Variants in NRG2 observed in about 807,000 individuals in gnomAD.
NRG2 encodes the protein pro-neuregulin-2, membrane-bound isoform.
A neutral mutation model predicts 73.9 loss-of-function variants in NRG2; 27 were observed. That is an observed-to-expected ratio of 0.37 (90% CI 0.27 to 0.50). The LOEUF (loss-of-function observed/expected upper bound fraction) is 0.50, where lower values mean the gene tolerates loss of function less well. NRG2 is among the 20% of genes least tolerant of loss of function. The pLI is 0.96. For synonymous variants in NRG2, 532 were observed against 541.0 expected, an observed-to-expected ratio of 0.98 and a Z score of 0.23; for missense variants, 1,126 against 1,210.1, an observed-to-expected ratio of 0.93 and a Z score of 1.03.
chr5:140,026,905 T>G (rs1445731146), intron 1 of NRG2, among the ~76,000 whole-genome samples: 7 of 152,118 alleles, frequency 4.6e-5, no homozygotes, highest in Admixed American at 3.9e-4. Flanking sequence ...AATTATATCT[T>G]TTGTTAAGAC....
chr5:139,917,701 A>G (rs1029273526), intron 1 of NRG2, among the ~76,000 whole-genome samples: 7 of 152,270 alleles, frequency 4.6e-5, no homozygotes, highest in Admixed American at 4.6e-4. Flanking sequence ...GGTATAATTG[A>G]CAAATAAATT....
chr5:139,950,158 T>C lies in NRG2; in HGVS notation c.701-62647A>G, dbSNP rs181787248. 2.0e-5 allele frequency among the ~76,000 whole-genome samples: 3 copies of C among 152,328 alleles called. No homozygotes were observed. In the East Asian group the frequency reaches 5.8e-4, roughly 29 times the overall value. On this transcript the variant is annotated intron_variant, in intron 1 of 9. Coordinates refer to ENST00000361474, the MANE Select transcript of NRG2 (RefSeq NM_004883.3). ...CTTTGAACCAAGCTCTGTTTCAACA[T>C]TTCTTCTTCGTTCCTCAGAAGGTCA...
rs878999833 is a variant in NRG2 at position 139,887,336 on chromosome 5, T to C, written c.872+4A>G. The C allele has an allele frequency of 1.2e-6, 2 of 1,614,078 alleles. No homozygotes were observed. Among genetic ancestry groups the C allele is most frequent in the South Asian group, 2.2e-5 (2 of 91,080 alleles). On this transcript the variant is annotated splice_donor_region_variant and intron_variant, in intron 2 of 9. Transcript: ENST00000361474. This position sits in a 1 kb window ranked among gnomAD's most constrained non-coding sequence, Gnocchi z 4.5. ...GGATGGAGGACAGGCTGGATATTGC[T>C]TACCTGCCGTTGCCATATTTGATGC...
rs1400761927 is a variant in NRG2, at chr5:140,008,731, A to G, written c.700+33639T>C. Among the ~76,000 whole-genome samples, 1 of 152,232 alleles carries G rather than the reference A, an allele frequency of 6.6e-6. No homozygotes were observed. Among genetic ancestry groups the G allele is most frequent in the African/African-American group, 2.4e-5 (1 of 41,464 alleles). On this transcript the variant is annotated intron_variant, in intron 1 of 9. Coordinates refer to ENST00000361474, the MANE Select transcript of NRG2 (RefSeq NM_004883.3). This position sits in a 1 kb window ranked among gnomAD's most constrained non-coding sequence, Gnocchi z 4.2. ...GTCGGGGAGAAATAACTGACAAATGATATGACCAGAGACTCAACTGGTGAG... is the reference window on the plus strand; with the variant it reads ...GTCGGGGAGAAATAACTGACAAATGGTATGACCAGAGACTCAACTGGTGAG...
Position 139,853,081 on chromosome 5 carries a change from A to G in NRG2, c.1293-54T>C. 6.2e-7 allele frequency: 1 copy of G among 1,607,990 alleles called. No homozygotes were observed. Among genetic ancestry groups the G allele is most frequent in the Non-Finnish European group, 8.5e-7 (1 of 1,177,474 alleles). On this transcript the variant is annotated intron_variant, in intron 6 of 9. Coordinates refer to ENST00000361474, the MANE Select transcript of NRG2 (RefSeq NM_004883.3). The surrounding 1 kb of genome is among the most constrained non-coding windows in gnomAD (Gnocchi z 4.1). ...GCATTCCCCCCACTCGCCAACGATG[A>G]ACTTCCCTAGCTATCTCTCTAGGGA...
At chr5:140,007,338 C>T (rs1758989654) in intron 1 of NRG2, among the ~76,000 whole-genome samples, 1 of 151,978 alleles carries the variant, frequency 6.6e-6, no homozygotes, top group South Asian at 2.1e-4. Context: ...TTAACAGACC[C>T]CAGGGGATAA....
At chr5:139,926,031 A>G (rs1377088300) in intron 1 of NRG2, among the ~76,000 whole-genome samples, 1 of 152,196 alleles carries the variant, frequency 6.6e-6, no homozygotes, top group Non-Finnish European at 1.5e-5. Flanking sequence ...GATGCAGCCA[A>G]TGTGGCTGTT....
intron 1 of NRG2, among the ~76,000 whole-genome samples, chr5:139,899,030 G>C (rs1256633482): frequency 6.6e-6 from 1 of 152,140 alleles, no homozygotes; most frequent in African/African-American, 2.4e-5. Flanking sequence ...TCTGTTCTGG[G>C]CCATCTCTTG....
In NRG2 at chr5:139,869,786, T is replaced by C. The variant is rs1762714875; in HGVS notation, c.1112+1935A>G. 1 of 152,348 alleles carries C rather than the reference T, an allele frequency of 6.6e-6. No individual in the cohort carries two copies. The highest frequency in any genetic ancestry group is 1.5e-5 in the Non-Finnish European group (1 of 68,162). The allele number at this position is 152,348 out of a possible 1,614,324, so 9.4% of individuals were successfully genotyped here. ...GGCTCCTGCCTCTGCTCCTCTCAGA[T>C]TTAGCTGGGCAGGACTCAGAGGTCC... On this transcript the variant is annotated intron_variant, in intron 4 of 9. Coordinates refer to ENST00000361474, the MANE Select transcript of NRG2 (RefSeq NM_004883.3). The surrounding 1 kb of genome is among the most constrained non-coding windows in gnomAD (Gnocchi z 4.5).
At chr5:139,975,659 T>C (rs1323880408) in intron 1 of NRG2, among the ~76,000 whole-genome samples, 1 of 152,212 alleles carries the variant, frequency 6.6e-6, no homozygotes, top group East Asian at 1.9e-4. Flanking sequence ...GCAGGCTGGC[T>C]GGGGCAGCTG....
chr5:140,032,108 G>A (rs569868643), intron 1 of NRG2, among the ~76,000 whole-genome samples: 3 of 152,270 alleles, frequency 2.0e-5, no homozygotes, highest in Non-Finnish European at 2.9e-5. Context: ...CGTGATCTCA[G>A]CTTACTACAG....
In NRG2 at chr5:139,848,565, C is replaced by T. The variant is rs751844486; in HGVS notation, c.1905G>A (p.Ala635=). 7 of 1,548,106 alleles carry T rather than the reference C, an allele frequency of 4.5e-6. No homozygotes were observed. The highest frequency in any genetic ancestry group is 6.0e-6 in the Non-Finnish European group (7 of 1,158,744). ...GCTCGGCCAGGCGGTAACTGATGGGCGCCGCCGGCGGCAGCGACACGGCGT... is the reference window on the plus strand; with the variant it reads ...GCTCGGCCAGGCGGTAACTGATGGGTGCCGCCGGCGGCAGCGACACGGCGT... ...SAHAVSLPPA[A]PISYRLAEQQ... Residue 635 remains alanine, a synonymous_variant, in exon 10 of 10, where the codon GCG becomes GCA. Coordinates refer to ENST00000361474, the MANE Select transcript of NRG2 (RefSeq NM_004883.3).
In NRG2 at chr5:139,848,639, G is replaced by A. The variant is rs1761194047; in HGVS notation, c.1831C>T (p.Leu611=). Residue 611 remains leucine, a synonymous_variant, in exon 10 of 10, where the codon CTG becomes TTG. Coordinates refer to ENST00000361474, the MANE Select transcript of NRG2 (RefSeq NM_004883.3). ...TCGAAAGTTGGCACCTGCGTGGCCA[G>A]CGAGTAGTGGAAGTCCACGGGCGAG... ...RLSPVDFHYS[L]ATQVPTFEIT... The A allele has an allele frequency of 6.3e-7, 1 of 1,576,754 alleles. No homozygotes were observed. Among genetic ancestry groups the A allele is most frequent in the South Asian group, 1.1e-5 (1 of 87,850 alleles).
chr5:139,947,016 CAG>C (rs1220002346), intron 1 of NRG2, among the ~76,000 whole-genome samples: 1 of 150,520 alleles, frequency 6.6e-6, no homozygotes, highest in Non-Finnish European at 1.5e-5. Flanking sequence ...AAAAAAAAAA[CAG>C]AAGATAACAA....
At chr5:139,876,113 A>T (rs1427073973) in intron 3 of NRG2, among the ~76,000 whole-genome samples, 1 of 152,216 alleles carries the variant, frequency 6.6e-6, no homozygotes, top group Non-Finnish European at 1.5e-5. Flanking sequence ...AAATGACCCA[A>T]GAATCCAAAC....
chr5:140,040,024 T>C (rs909607802), intron 1 of NRG2, among the ~76,000 whole-genome samples: 3 of 152,234 alleles, frequency 2.0e-5, no homozygotes, highest in Admixed American at 6.5e-5. Context: ...TTATTTAATA[T>C]AGCATTACCA....
rs1376337139 is a variant in NRG2 at position 139,848,471 on chromosome 5, C to T, written c.1999G>A (p.Gly667Ser). The change falls in exon 10 of 10, where the codon GGC (glycine) becomes AGC (serine). Residue 667 changes from glycine (G) to serine (S), a missense_variant. Gly to Ser is a moderately conservative substitution (Grantham distance 56, BLOSUM62 0). Transcript: ENST00000361474. ...GPGPGPGPGP[G>S]ADMQRSYDSY... ...TCATAGCTGCGCTGCATGTCTGCGC[C>T]GGGCCCGGGCCCGGGCCCGGGTCCG... 5.3e-6 allele frequency: 7 copies of T among 1,329,480 alleles called. No homozygotes were observed. In the Admixed American group the frequency reaches 1.7e-4, roughly 32 times the overall value. The allele number at this position is 1,329,480 out of a possible 1,614,324, so 82.4% of individuals were successfully genotyped here.
chr5:139,848,747 G>T, intron 9 of NRG2, 50 bp from the exon 10 acceptor site: 1 of 1,083,704 alleles, frequency 9.2e-7, no homozygotes, highest in South Asian at 1.9e-5. Context: ...GGCCGGCGCG[G>T]GGGAGGGGGG....
intron 6 of NRG2, 28 bp downstream of exon 6, chr5:139,855,648 G>A (rs1761759967): frequency 1.3e-6 from 2 of 1,587,680 alleles, no homozygotes; most frequent in Admixed American, 3.3e-5. Context: ...GGCTTGGCCT[G>A]TCCCCAGCTT....
Sources: allele counts gnomAD v4.1 joint callset (sites outside exome capture counted in the v4.1 genomes callset), GRCh38; gene constraint gnomAD v4.1.1; non-coding constraint Gnocchi (gnomAD v3.1); transcripts MANE v1.5; gene names NCBI Gene and HGNC (gene_info 2026-07-23, HGNC 2026-07-21).